The following PDS5B variants were observed in gnomAD, a reference collection of about 807,000 sequenced individuals.
PDS5B encodes PDS5 cohesin associated factor B.
A neutral mutation model predicts 184.1 loss-of-function variants in PDS5B; 51 were observed. That is an observed-to-expected ratio of 0.28 (90% CI 0.22 to 0.35). The LOEUF is 0.35. PDS5B is among the 10% of genes least tolerant of loss of function. The pLI, the probability that PDS5B is intolerant of heterozygous loss-of-function variation, is 1.00. For synonymous variants in PDS5B, 566 were observed against 569.2 expected (o/e 0.99, Z 0.08); for missense variants, 1,180 against 1,723.3 (o/e 0.68, Z 5.58).
chr13:32,716,357 C>G (rs530311991), intron 19 of PDS5B, among the ~76,000 whole-genome samples: 1 of 152,066 alleles, frequency 6.6e-6, no homozygotes, highest in Non-Finnish European at 1.5e-5. Flanking sequence ...GCTGCGACCC[C>G]GTCTGGGAGG....
chr13:32,737,576 G>GCT (rs1953385283), intron 21 of PDS5B, among the ~76,000 whole-genome samples: 1 of 152,120 alleles, frequency 6.6e-6, no homozygotes, highest in African/African-American at 2.4e-5. Flanking sequence ...TGCTTTGGTA[G>GCT]CTGTCTGTTG....
At chr13:32,646,167 G>A (rs1312729491) in intron 1 of PDS5B, among the ~76,000 whole-genome samples, 1 of 151,890 alleles carries the variant, frequency 6.6e-6, no homozygotes, top group Non-Finnish European at 1.5e-5. Context: ...ACTATGCTTG[G>A]CTAATTTATT....
intron 13 of PDS5B, 45 bp downstream of exon 13, chr13:32,688,614 A>T: frequency 1.8e-6 from 2 of 1,128,240 alleles, no homozygotes; most frequent in Non-Finnish European, 2.7e-6. Context: ...CCTTTGCAAT[A>T]TATTGGATTT....
intron 19 of PDS5B, among the ~76,000 whole-genome samples, chr13:32,716,624 CAGCCCCCCGCCCGGCCAGCCGCCCCGTT>C (rs1952433145): frequency 4.9e-5 from 7 of 143,588 alleles, no homozygotes; most frequent in African/African-American, 1.8e-4. Flanking sequence ...GTGGGGGGGT[CAGCCCCCCGCCCGGCCAGCCGCCCCGTT>C]TGGGAGGGAG....
chr13:32,631,448 G>C (rs1593292315), intron 1 of PDS5B, among the ~76,000 whole-genome samples: 1 of 152,110 alleles, frequency 6.6e-6, no homozygotes, highest in African/African-American at 2.4e-5. Flanking sequence ...TTTGTTGTCT[G>C]TTTTCCTTCA....
intron 17 of PDS5B, among the ~76,000 whole-genome samples, chr13:32,706,167 A>G (rs1376714283): frequency 6.6e-6 from 1 of 151,996 alleles, no homozygotes; most frequent in African/African-American, 2.4e-5. Flanking sequence ...AATCCCAGCT[A>G]CTTGGGAGGC....
rs189191663 is a variant in PDS5B at position 32,606,102 on chromosome 13, C to G, written c.-20+19509C>G. Among the ~76,000 whole-genome samples the G allele has an allele frequency of 8.7e-4, 132 of 152,142 alleles. 2 individuals are homozygous for G. Among genetic ancestry groups the G allele is most frequent in the African/African-American group, 3.2e-3 (131 of 41,510 alleles). On this transcript the variant is annotated intron_variant, in intron 1 of 34. Transcript: ENST00000315596. ...AATATTGTTATGTGTGAATTTGATC[C>G]TGTCATTATGATGTTAGCTGGTTAT...
rs1241576960 is a variant in PDS5B, at chr13:32,716,725, C to T, written c.2123+6619C>T. ...GTTTGGGAGGTGAGGGGCGCTTTTG[C>T]CCAGCCGCCCCTACTGGGAAGTGAG... is the stretch of plus-strand genomic sequence containing the variant. On this transcript the variant is annotated intron_variant, in intron 19 of 34. Transcript: ENST00000315596. Among the ~76,000 whole-genome samples the T allele has an allele frequency of 3.0e-5, 4 of 132,842 alleles. 1 individual carries two copies. The East Asian group carries it at 9.4e-4, about 31-fold the overall frequency. The allele number at this position is 132,842 out of a possible 152,430, so 87.1% of individuals were successfully genotyped here. A position where few individuals can be genotyped will look rare whatever the true frequency, so the allele number is the denominator to read the frequency against.
chr13:32,758,671 T>G lies in PDS5B; in HGVS notation c.3309+18T>G, dbSNP rs1045575950. On this transcript the variant is annotated intron_variant, in intron 28 of 34. Transcript: ENST00000315596. ...CTGACAAGGTAGTTACTTTACAATT[T>G]GTTTGTGTAAGTTGAAATAAAATGT... 4 of 1,611,954 alleles carry G rather than the reference T, an allele frequency of 2.5e-6. No individual in the cohort carries two copies. The Admixed American group carries it at 5.0e-5, about 20-fold the overall frequency.
At chr13:32,666,184 A>T (rs1402557865) in intron 6 of PDS5B, among the ~76,000 whole-genome samples, 8 of 152,052 alleles carry the variant, frequency 5.3e-5, no homozygotes, top group Admixed American at 5.2e-4. Flanking sequence ...AGGTTCAAGC[A>T]ATTCTTCTGC....
chr13:32,683,308 C>T (rs1430136941), intron 10 of PDS5B, among the ~76,000 whole-genome samples: 1 of 149,988 alleles, frequency 6.7e-6, no homozygotes, highest in East Asian at 2.0e-4. Context: ...CACGCCTGGC[C>T]TTTAAAATTT....
At chr13:32,630,818 A>C (rs2058442888) in intron 1 of PDS5B, among the ~76,000 whole-genome samples, 1 of 143,512 alleles carries the variant, frequency 7.0e-6, no homozygotes, top group African/African-American at 2.6e-5. Flanking sequence ...ACGGAGTCTC[A>C]CTTCTGTCCA....
intron 1 of PDS5B, among the ~76,000 whole-genome samples, chr13:32,591,552 A>G (rs1216043999): frequency 6.6e-6 from 1 of 151,886 alleles, no homozygotes; most frequent in East Asian, 1.9e-4. Flanking sequence ...ATTTTTTCTG[A>G]CTCCTGTTGA....
chr13:32,659,489 CAT>C (rs777907394), intron 6 of PDS5B, among the ~76,000 whole-genome samples: 28 of 152,176 alleles, frequency 1.8e-4, no homozygotes, highest in Non-Finnish European at 3.2e-4. Context: ...CATGTAATAA[CAT>C]ATTTGTTATA....
rs867390474 is a variant in PDS5B, at chr13:32,770,049, T to C, written c.3625-72T>C. 52 of 1,352,260 alleles carry C rather than the reference T, an allele frequency of 3.8e-5. 3 individuals are homozygous for C. The Middle Eastern group carries it at 5.1e-3, about 133-fold the overall frequency. The allele number at this position is 1,352,260 out of a possible 1,614,324, so 83.8% of individuals were successfully genotyped here. ...AGGACAACATTAGATAACAGATTTTTTTGTTTCATTCCTCAAAATATGTAT... is the reference window on the plus strand; with the variant it reads ...AGGACAACATTAGATAACAGATTTTCTTGTTTCATTCCTCAAAATATGTAT... On this transcript the variant is annotated intron_variant, in intron 31 of 34. Transcript: ENST00000315596.
At chr13:32,697,500 T>C (rs888048408) in intron 15 of PDS5B, among the ~76,000 whole-genome samples, 2 of 152,212 alleles carry the variant, frequency 1.3e-5, no homozygotes, top group Admixed American at 6.5e-5. Context: ...GGATCTGAGA[T>C]GCTAAATATT....
chr13:32,697,798 C>T (rs1361215672), intron 15 of PDS5B, among the ~76,000 whole-genome samples: 1 of 152,138 alleles, frequency 6.6e-6, no homozygotes, highest in Non-Finnish European at 1.5e-5. Flanking sequence ...GCTATCTTGA[C>T]CTCCTGGGCT....
At chr13:32,599,058 C>G (rs1459715643) in intron 1 of PDS5B, among the ~76,000 whole-genome samples, 2 of 151,732 alleles carry the variant, frequency 1.3e-5, no homozygotes, top group Non-Finnish European at 2.9e-5. Context: ...GCGTGAGCCA[C>G]CACGCCCAGC....
intron 19 of PDS5B, among the ~76,000 whole-genome samples, chr13:32,715,393 T>C (rs1228641034): frequency 6.6e-6 from 1 of 152,234 alleles, no homozygotes; most frequent in Non-Finnish European, 1.5e-5. Context: ...GTTTTGCTTA[T>C]GCCCTCTAAA....
Sources: gnomAD v4.1 joint callset for allele counts (sites outside exome capture counted in the v4.1 genomes callset) on GRCh38, gnomAD v4.1.1 for gene constraint, MANE v1.5 for transcripts, NCBI Gene and HGNC (gene_info 2026-07-23, HGNC 2026-07-21) for gene names.